The following KCNK10 variants were observed in gnomAD, a reference collection of about 807,000 sequenced individuals.
KCNK10 encodes the protein potassium two pore domain channel subfamily K member 10, also known as potassium channel subfamily K member 10.
In KCNK10, 25 loss-of-function variants were observed where a neutral mutation model predicts 47.7. That is an observed-to-expected ratio of 0.52 (90% CI 0.38 to 0.73). The LOEUF is 0.73. KCNK10 is among the 30% of genes least tolerant of loss of function. The probability of loss-of-function intolerance (pLI) is 0.00; values close to 1 mark genes in which losing one functional copy is unlikely to be tolerated. For missense variants in KCNK10, 563 were observed against 714.5 expected (o/e 0.79, Z 2.42); for synonymous variants, 303 against 285.6 (o/e 1.06, Z -0.61).
intron 1 of KCNK10, among the ~76,000 whole-genome samples, chr14:88,310,229 G>GATATGGTATATC (rs1595133076): frequency 1.9e-4 from 7 of 36,748 alleles, no homozygotes; most frequent in Non-Finnish European, 6.7e-4. Context: ...TATGGTATAT[G>GATATGGTATATC]ATATACCATA....
At chr14:88,297,251 CA>C (rs1199492327) in intron 1 of KCNK10, among the ~76,000 whole-genome samples, 2 of 152,026 alleles carry the variant, frequency 1.3e-5, no homozygotes, top group Non-Finnish European at 2.9e-5. Context: ...AAAAATCATG[CA>C]AAAAAATTGA....
In KCNK10 at chr14:88,197,859, G is replaced by GGAGAGAGAGAGAGAGA. The variant is rs71126969; in HGVS notation, c.682-5465_682-5450dup. On this transcript the variant is annotated intron_variant, in intron 4 of 6. Coordinates refer to ENST00000319231, the MANE Select transcript of KCNK10 (RefSeq NM_138317.3). ...AAACAGAAGGAAGGAAGGAGGGAAG[G>GGAGAGAGAGAGAGAGA]GAGAGAGAGAGAGAGAGAGAGAGAG... Among the ~76,000 whole-genome samples, 233 of 125,404 alleles carry GGAGAGAGAGAGAGAGA rather than the reference G, an allele frequency of 1.9e-3. 3 individuals carry two copies. The highest frequency in any genetic ancestry group is 7.3e-3 in the African/African-American group (222 of 30,276). The allele number at this position is 125,404 out of a possible 152,430, so 82.3% of individuals were successfully genotyped here. A position where few individuals can be genotyped will look rare whatever the true frequency, so the allele number is the denominator to read the frequency against.
At chr14:88,317,251 T>G (rs1434920446) in intron 1 of KCNK10, among the ~76,000 whole-genome samples, 1 of 152,218 alleles carries the variant, frequency 6.6e-6, no homozygotes, top group Non-Finnish European at 1.5e-5. Context: ...CCAGGAAATC[T>G]AAGCTCCGCA....
At chr14:88,199,687 C>A (rs1157892962) in intron 4 of KCNK10, among the ~76,000 whole-genome samples, 1 of 152,144 alleles carries the variant, frequency 6.6e-6, no homozygotes, top group Non-Finnish European at 1.5e-5. Flanking sequence ...CCAAGAGTAC[C>A]CAGAACACGT....
In KCNK10 at chr14:88,323,076, G is replaced by A. The variant is rs528409243; in HGVS notation, c.-278C>T. 84 of 1,272,304 alleles carry A rather than the reference G, an allele frequency of 6.6e-5. 1 individual carries two copies. In the Admixed American group the frequency reaches 2.8e-3, roughly 42 times the overall value. 78.8% of individuals were successfully genotyped at this position (1,272,304 alleles called of 1,614,324 possible). ...AAGATCGGCGAGGGGTGGATGAAAG[G>A]ATGGAGAGGAAGGCTTGGGGAGATG... On this transcript the variant is annotated 5_prime_UTR_variant, in exon 1 of 7. Transcript: ENST00000319231.
intron 1 of KCNK10, among the ~76,000 whole-genome samples, chr14:88,299,081 T>C: frequency 1.3e-5 from 2 of 152,218 alleles, no homozygotes; most frequent in Non-Finnish European, 1.5e-5. Context: ...ACCGAATACA[T>C]GTCATTGCAT....
chr14:88,229,530 T>G (rs1376213364), intron 3 of KCNK10, among the ~76,000 whole-genome samples: 3 of 152,180 alleles, frequency 2.0e-5, no homozygotes, highest in Non-Finnish European at 4.4e-5. Context: ...AGTGTTTTGT[T>G]GACTAGAACA....
intron 1 of KCNK10, among the ~76,000 whole-genome samples, chr14:88,285,956 C>T (rs1887750934): frequency 6.6e-6 from 1 of 152,172 alleles, no homozygotes; most frequent in African/African-American, 2.4e-5. Flanking sequence ...ACCTCCAAAG[C>T]TAAATAATGA....
At chr14:88,235,334 A>C (rs751398553) in intron 3 of KCNK10, 1 of 428,674 alleles carries the variant, frequency 2.3e-6, no homozygotes, top group Admixed American at 2.7e-5. Context: ...AACTTCCATA[A>C]GAAAAAAAAT....
At position 88,263,204 on chromosome 14, in the gene KCNK10, G is replaced by T; in HGVS notation, c.400C>A (p.Gln134Lys). Residue 134 changes from glutamine to lysine, a missense_variant and splice_region_variant, in exon 2 of 7, where the codon CAG becomes AAG. Coordinates refer to ENST00000319231, the MANE Select transcript of KCNK10 (RefSeq NM_138317.3). ...VSPQELETLI[Q>K]HALDADNAGV... ...AGATGGACTCACTCCCTGCTCACCT[G>T]GATCAACGTCTCCAGCTCCTGGGGG... 1 of 1,612,008 alleles carries T rather than the reference G, an allele frequency of 6.2e-7. No homozygotes were observed. The highest frequency in any genetic ancestry group is 1.1e-5 in the South Asian group (1 of 90,902).
At chr14:88,321,214 T>G (rs1888539642) in intron 1 of KCNK10, among the ~76,000 whole-genome samples, 1 of 152,200 alleles carries the variant, frequency 6.6e-6, no homozygotes, top group South Asian at 2.1e-4. Flanking sequence ...CTGTTCCCTC[T>G]TCTGCAACAA....
chr14:88,249,508 GA>G (rs1185101295), intron 2 of KCNK10, among the ~76,000 whole-genome samples: 1 of 152,164 alleles, frequency 6.6e-6, no homozygotes, highest in Non-Finnish European at 1.5e-5. Flanking sequence ...TGTGACTAAG[GA>G]CCTGAGTGCT....
intron 1 of KCNK10, among the ~76,000 whole-genome samples, chr14:88,263,835 C>T (rs7159927): frequency 6.6e-6 from 1 of 152,136 alleles, no homozygotes; most frequent in African/African-American, 2.4e-5. Flanking sequence ...AAAGCTATCT[C>T]TCTGCCATTT....
At chr14:88,256,508 T>C (rs1328462191) in intron 2 of KCNK10, among the ~76,000 whole-genome samples, 1 of 151,982 alleles carries the variant, frequency 6.6e-6, no homozygotes, top group Non-Finnish European at 1.5e-5. Flanking sequence ...AAAGATGACA[T>C]TCTAGATGCC....
intron 3 of KCNK10, among the ~76,000 whole-genome samples, chr14:88,233,166 T>C (rs901027213): frequency 6.6e-6 from 1 of 152,168 alleles, no homozygotes; most frequent in South Asian, 2.1e-4. Context: ...CCCCAGTAAA[T>C]AGAAGGGGGT....
intron 4 of KCNK10, among the ~76,000 whole-genome samples, chr14:88,214,686 A>T (rs1422644259): frequency 2.6e-5 from 4 of 152,232 alleles, no homozygotes; most frequent in Non-Finnish European, 5.9e-5. Flanking sequence ...AAGAGATATT[A>T]ACTAATAATG....
intron 2 of KCNK10, among the ~76,000 whole-genome samples, chr14:88,262,954 G>T (rs1488886476): frequency 6.6e-6 from 1 of 152,070 alleles, no homozygotes; most frequent in East Asian, 1.9e-4. Flanking sequence ...AAAGTCCATT[G>T]GCCTGCTGCC....
chr14:88,205,086 A>G (rs1359799006), intron 4 of KCNK10, among the ~76,000 whole-genome samples: 1 of 152,212 alleles, frequency 6.6e-6, no homozygotes, highest in Non-Finnish European at 1.5e-5. Flanking sequence ...GGATCTTTGT[A>G]ACTGTCTCCA....
chr14:88,291,156 C>T (rs1887867726), intron 1 of KCNK10, among the ~76,000 whole-genome samples: 1 of 152,222 alleles, frequency 6.6e-6, no homozygotes, highest in Non-Finnish European at 1.5e-5. Flanking sequence ...TCGTGGAAAC[C>T]ACGGTTGGCT....
Sources: gnomAD v4.1 joint callset for allele counts (sites outside exome capture counted in the v4.1 genomes callset) on GRCh38, gnomAD v4.1.1 for gene constraint, MANE v1.5 for transcripts, NCBI Gene and HGNC (gene_info 2026-07-23, HGNC 2026-07-21) for gene names.